POLR3G: variants seen among roughly 807,000 people sequenced by gnomAD.
POLR3G encodes DNA-directed RNA polymerase III subunit RPC7.
In POLR3G, 28 loss-of-function variants were observed where a neutral mutation model predicts 30.1. The ratio of observed to expected loss-of-function variants is 0.93; its 90% CI spans 0.69 to 1.27. The LOEUF is 1.27. Among genes scored for constraint, POLR3G ranks in the 50% most tolerant of loss-of-function variants. POLR3G has a pLI of 0.00. For missense variants in POLR3G, 254 were observed against 264.6 expected (o/e 0.96, Z 0.28); for synonymous variants, 79 against 82.5 (o/e 0.96, Z 0.23).
intron 3 of POLR3G, among the ~76,000 whole-genome samples, chr5:90,493,139 A>G (rs1751815477): frequency 8.8e-6 from 1 of 113,858 alleles, no homozygotes; most frequent in African/African-American, 3.3e-5. Context: ...AACTGCATTC[A>G]AATGACTTTG....
At chr5:90,494,060 A>G (rs1367195591) in intron 3 of POLR3G, among the ~76,000 whole-genome samples, 3 of 151,838 alleles carry the variant, frequency 2.0e-5, no homozygotes, top group African/African-American at 4.8e-5. Context: ...GAAATTCTGT[A>G]CCCTTTAGTA....
At chr5:90,498,431 C>T (rs1317584541) in intron 5 of POLR3G, among the ~76,000 whole-genome samples, 1 of 152,118 alleles carries the variant, frequency 6.6e-6, no homozygotes, top group Non-Finnish European at 1.5e-5. Context: ...GTCCTCCCCT[C>T]CCGACTTTAG....
intron 5 of POLR3G, among the ~76,000 whole-genome samples, chr5:90,498,429 C>A (rs1027895629): frequency 6.6e-6 from 1 of 152,256 alleles, no homozygotes; most frequent in Admixed American, 6.5e-5. Context: ...CCGTCCTCCC[C>A]TCCCGACTTT....
In POLR3G at chr5:90,488,886, T is replaced by C. The variant is rs559154517; in HGVS notation, c.247+757T>C. On this transcript the variant is annotated intron_variant, in intron 3 of 7. Transcript: ENST00000651687. ...CTCAGGCTAGAAGTGGGAAGTGGTTTTATAGGAAAGGAAACCATTCCTGAG... is the reference window on the plus strand; with the variant it reads ...CTCAGGCTAGAAGTGGGAAGTGGTTCTATAGGAAAGGAAACCATTCCTGAG... Among the ~76,000 whole-genome samples the C allele has an allele frequency of 2.4e-4, 37 of 152,296 alleles. No homozygotes were observed. In the South Asian group the frequency reaches 2.5e-3, roughly 10 times the overall value.
At chr5:90,504,190 T>A (rs954594213) in intron 6 of POLR3G, among the ~76,000 whole-genome samples, 1 of 149,676 alleles carries the variant, frequency 6.7e-6, no homozygotes, top group Non-Finnish European at 1.5e-5. Context: ...TTTTTTTTTT[T>A]AAAGGTATTT....
chr5:90,475,480 TTTA>T (rs3073507), intron 1 of POLR3G, among the ~76,000 whole-genome samples: 2 of 145,912 alleles, frequency 1.4e-5, no homozygotes, highest in Non-Finnish European at 1.5e-5. Flanking sequence ...TTTTTTTAAT[TTTA>T]TTATTATTTA....
At chr5:90,488,444 A>AT (rs1489431138) in intron 3 of POLR3G, among the ~76,000 whole-genome samples, 2 of 151,974 alleles carry the variant, frequency 1.3e-5, no homozygotes, top group East Asian at 1.9e-4. Flanking sequence ...TATATTCCAG[A>AT]TTTTTTCTTA....
In POLR3G at chr5:90,485,857, A is replaced by G. The variant is rs770534620; in HGVS notation, c.117+173A>G. ...TTCATGATCTGCTTTCTTAAAATAT[A>G]GAAAACAAAACTGTATACATCTTTC... On this transcript the variant is annotated intron_variant, in intron 2 of 7. Coordinates refer to ENST00000651687, the MANE Select transcript of POLR3G (RefSeq NM_006467.3). Among the ~76,000 whole-genome samples, 43 of 152,352 alleles carry G rather than the reference A, an allele frequency of 2.8e-4. 1 individual carries two copies. The highest frequency in any genetic ancestry group is 6.8e-3 in the Middle Eastern group (2 of 294).
At chr5:90,496,134 G>A (rs1473296831) in intron 4 of POLR3G, among the ~76,000 whole-genome samples, 1 of 151,780 alleles carries the variant, frequency 6.6e-6, no homozygotes, top group African/African-American at 2.4e-5. Flanking sequence ...ACCATGCCCA[G>A]CTAATTTTTT....
At chr5:90,475,159 G>A (rs1177721674) in intron 1 of POLR3G, 139 bp downstream of exon 1, 1 of 152,310 alleles carries the variant, frequency 6.6e-6, no homozygotes, top group Admixed American at 6.5e-5. Context: ...TTTGGAGATA[G>A]CTTGGTACCT....
At chr5:90,503,189 A>C (rs537932255) in intron 6 of POLR3G, among the ~76,000 whole-genome samples, 21 of 152,356 alleles carry the variant, frequency 1.4e-4, no homozygotes, top group African/African-American at 4.6e-4. Flanking sequence ...TATGTCCATA[A>C]GAGTTCATAA....
chr5:90,495,255 T>C (rs900253239), intron 3 of POLR3G, among the ~76,000 whole-genome samples: 8 of 152,228 alleles, frequency 5.3e-5, no homozygotes, highest in African/African-American at 1.9e-4. Flanking sequence ...GAACTACTTT[T>C]TATGATGAAC....
At chr5:90,504,872 G>A (rs1752416828) in intron 6 of POLR3G, among the ~76,000 whole-genome samples, 1 of 152,178 alleles carries the variant, frequency 6.6e-6, no homozygotes, top group South Asian at 2.1e-4. Context: ...GGGATTGCCA[G>A]TTGGAAAAAT....
intron 3 of POLR3G, among the ~76,000 whole-genome samples, chr5:90,492,408 G>A (rs966186004): frequency 2.0e-5 from 3 of 152,144 alleles, no homozygotes; most frequent in Admixed American, 1.3e-4. Context: ...GATGTGTTTT[G>A]TAACTGACAA....
chr5:90,491,474 GCTTA>G (rs1287962683), intron 3 of POLR3G, among the ~76,000 whole-genome samples: 1 of 151,084 alleles, frequency 6.6e-6, no homozygotes, highest in African/African-American at 2.4e-5. Flanking sequence ...ATGGAATTTG[GCTTA>G]CTAATTCTTG....
intron 2 of POLR3G, among the ~76,000 whole-genome samples, chr5:90,487,567 A>G (rs966698045): frequency 3.3e-5 from 5 of 150,862 alleles, no homozygotes; most frequent in African/African-American, 1.2e-4. Flanking sequence ...AATTTTTTGT[A>G]TTTTTAATGG....
chr5:90,483,072 G>A (rs1271731563), intron 1 of POLR3G, among the ~76,000 whole-genome samples: 4 of 147,962 alleles, frequency 2.7e-5, no homozygotes, highest in East Asian at 2.0e-4. Flanking sequence ...CCCGGGAGGC[G>A]GAGGTTGCAG....
Position 90,497,709 on chromosome 5 carries a change from A to G in POLR3G, c.355+3A>G. ...GCCAAGAAATAAATGTAAAAAAGGT[A>G]CATTGACTAATATAATAGTAATTCA... On this transcript the variant is annotated splice_donor_region_variant and intron_variant, in intron 5 of 7. Coordinates refer to ENST00000651687, the MANE Select transcript of POLR3G (RefSeq NM_006467.3). 1.9e-6 allele frequency: 3 copies of G among 1,603,890 alleles called. No individual in the cohort carries two copies. Among genetic ancestry groups the G allele is most frequent in the South Asian group, 1.1e-5 (1 of 89,324 alleles).
In POLR3G at chr5:90,514,066, AGC is replaced by A. The variant is rs1457293585; in HGVS notation, c.*1928_*1929del. On this transcript the variant is annotated 3_prime_UTR_variant, in exon 8 of 8. Transcript: ENST00000651687. Reference sequence around the variant, plus strand: ...ATTTTAGTCTTGCAGATAGCAGGGCAGCCCCTTGGGGCAAGGATTTACTCTGG... The same window carrying A: ...ATTTTAGTCTTGCAGATAGCAGGGCACCCTTGGGGCAAGGATTTACTCTGG... 1 of 152,238 alleles carries A rather than the reference AGC, an allele frequency of 6.6e-6. No individual in the cohort carries two copies. The highest frequency in any genetic ancestry group is 6.5e-5 in the Admixed American group (1 of 15,286). 9.4% of individuals were successfully genotyped at this position (152,238 alleles called of 1,614,324 possible). A position where few individuals can be genotyped will look rare whatever the true frequency, so the allele number is the denominator to read the frequency against.
Sources: gnomAD v4.1 joint callset for allele counts (sites outside exome capture counted in the v4.1 genomes callset) on GRCh38, gnomAD v4.1.1 for gene constraint, MANE v1.5 for transcripts, NCBI Gene and HGNC (gene_info 2026-07-23, HGNC 2026-07-21) for gene names.